Variants in DLGAP2 observed in about 807,000 individuals in gnomAD.
The protein encoded by DLGAP2 is disks large-associated protein 2.
A neutral mutation model predicts 100.3 loss-of-function variants in DLGAP2; 26 were observed. That is an observed-to-expected ratio of 0.26 (90% confidence interval 0.19 to 0.36). The LOEUF (loss-of-function observed/expected upper bound fraction) is 0.36. Among genes scored for constraint, DLGAP2 ranks in the 10% least tolerant of loss-of-function variants. The pLI is 1.00. For synonymous variants in DLGAP2, 886 were observed against 630.1 expected (o/e 1.41, Z -6.08); for missense variants, 1,858 against 1,453.2 (o/e 1.28, Z -4.53).
intron 3 of DLGAP2, among the ~76,000 whole-genome samples, chr8:1,427,580 T>C (rs1403775527): frequency 1.3e-5 from 2 of 152,166 alleles, no homozygotes; most frequent in African/African-American, 4.8e-5. Context: ...AATCCCCACA[T>C]GTCATGGAAA....
chr8:1,551,214 G>C (rs941609948), intron 5 of DLGAP2, among the ~76,000 whole-genome samples: 1 of 152,116 alleles, frequency 6.6e-6, no homozygotes, highest in African/African-American at 2.4e-5. Context: ...GTTTGCCGTC[G>C]GCAAACCCTA....
At chr8:767,170 G>A (rs1253387269) in intron 1 of DLGAP2, among the ~76,000 whole-genome samples, 1 of 152,036 alleles carries the variant, frequency 6.6e-6, no homozygotes, top group African/African-American at 2.4e-5. Flanking sequence ...CCACATCCAC[G>A]GCTCCGCTTC....
At chr8:1,466,358 C>T (rs913629954) in intron 3 of DLGAP2, among the ~76,000 whole-genome samples, 1 of 152,062 alleles carries the variant, frequency 6.6e-6, no homozygotes, top group African/African-American at 2.4e-5. Flanking sequence ...CCGTGGCTGC[C>T]GCAGGAGACA....
At chr8:1,002,771 A>G (rs1183219125) in intron 2 of DLGAP2, 4 of 152,336 alleles carry the variant, frequency 2.6e-5, no homozygotes. Context: ...ACAGGAAGAG[A>G]CTGCCTGGGG....
chr8:1,245,037 A>C (rs1798875017), intron 2 of DLGAP2, among the ~76,000 whole-genome samples: 1 of 152,220 alleles, frequency 6.6e-6, no homozygotes, highest in South Asian at 2.1e-4. Flanking sequence ...ATCAAAATAC[A>C]ATGAGACACC....
chr8:1,334,900 C>T (rs1045281816), intron 3 of DLGAP2, among the ~76,000 whole-genome samples: 17 of 152,240 alleles, frequency 1.1e-4, no homozygotes, highest in Non-Finnish European at 1.6e-4. Context: ...TTCTCCTCCC[C>T]GCCTTGGCCC....
intron 3 of DLGAP2, among the ~76,000 whole-genome samples, chr8:1,357,641 A>T (rs1462675829): frequency 6.6e-6 from 1 of 152,150 alleles, no homozygotes; most frequent in Non-Finnish European, 1.5e-5. Flanking sequence ...CAAAATAAAG[A>T]TTTTTTAAAA....
At chr8:986,868 C>T (rs563371960) in intron 2 of DLGAP2, among the ~76,000 whole-genome samples, 1 of 152,112 alleles carries the variant, frequency 6.6e-6, no homozygotes, top group Non-Finnish European at 1.5e-5. Flanking sequence ...CCATGTTGGC[C>T]AGGCTGGTCT....
At chr8:964,341 A>G (rs556656986) in intron 2 of DLGAP2, among the ~76,000 whole-genome samples, 71 of 152,342 alleles carry the variant, frequency 4.7e-4, no homozygotes, top group African/African-American at 1.6e-3. Context: ...GTGGCGCTGT[A>G]CTGTCGTGGA....
At chr8:1,024,780 C>G (rs927493604) in intron 2 of DLGAP2, among the ~76,000 whole-genome samples, 1 of 152,194 alleles carries the variant, frequency 6.6e-6, no homozygotes, top group Non-Finnish European at 1.5e-5. Context: ...TCTTATGGAG[C>G]CTCCTGTGGG....
chr8:1,488,429 A>G (rs1799285568), intron 3 of DLGAP2, among the ~76,000 whole-genome samples: 1 of 152,188 alleles, frequency 6.6e-6, no homozygotes, highest in African/African-American at 2.4e-5. Flanking sequence ...GAGAAAGAGA[A>G]TTGGGAATGG....
At chr8:863,212 G>C (rs1285670241) in intron 1 of DLGAP2, among the ~76,000 whole-genome samples, 1 of 152,220 alleles carries the variant, frequency 6.6e-6, no homozygotes, top group African/African-American at 2.4e-5. Context: ...GGCAGTGGCA[G>C]GATTGGACTG....
At chr8:748,859 T>C (rs182441089) in intron 1 of DLGAP2, among the ~76,000 whole-genome samples, 2 of 152,374 alleles carry the variant, frequency 1.3e-5, no homozygotes, top group Admixed American at 6.5e-5. Context: ...AGACCTTTCG[T>C]TGGCTGCCAG....
rs181907974 is a variant in DLGAP2, at chr8:1,526,058, A to G, written c.173-22568A>G. On this transcript the variant is annotated intron_variant, in intron 4 of 14. Coordinates refer to ENST00000637795, the MANE Select transcript of DLGAP2 (RefSeq NM_001346810.2). Reference sequence around the variant, plus strand: ...TGAACTCCAAAGCGCTCCAGTGAGCATTTCCTCTGAGCGTCACCGTGGCAG... The same window carrying G: ...TGAACTCCAAAGCGCTCCAGTGAGCGTTTCCTCTGAGCGTCACCGTGGCAG... Among the ~76,000 whole-genome samples, 23 of 151,792 alleles carry G rather than the reference A, an allele frequency of 1.5e-4. No individual in the cohort carries two copies. The East Asian group carries it at 2.5e-3, about 17-fold the overall frequency.
chr8:1,545,284 C>A (rs988247188), intron 4 of DLGAP2, among the ~76,000 whole-genome samples: 1 of 152,134 alleles, frequency 6.6e-6, no homozygotes, highest in Non-Finnish European at 1.5e-5. Context: ...ACAAGCACGG[C>A]GTGCACCCTG....
chr8:1,245,692 A>T (rs1471028027), intron 2 of DLGAP2, among the ~76,000 whole-genome samples: 1 of 152,210 alleles, frequency 6.6e-6, no homozygotes, highest in Admixed American at 6.5e-5. Context: ...TATGCTATTG[A>T]GCTGTGCACT....
At chr8:870,726 C>T (rs1797581458) in intron 1 of DLGAP2, among the ~76,000 whole-genome samples, 1 of 152,198 alleles carries the variant, frequency 6.6e-6, no homozygotes, top group Non-Finnish European at 1.5e-5. Flanking sequence ...AGCACCCCAG[C>T]ACATTCCCTG....
intron 1 of DLGAP2, among the ~76,000 whole-genome samples, chr8:865,305 T>C (rs1034698134): frequency 6.6e-6 from 1 of 152,260 alleles, no homozygotes; most frequent in Non-Finnish European, 1.5e-5. Flanking sequence ...AGGAGAGTTA[T>C]TGCTACTAAA....
chr8:893,010 T>C (rs1417264489), intron 1 of DLGAP2: 4 of 150,810 alleles, frequency 2.7e-5, no homozygotes, highest in East Asian at 2.0e-4. Flanking sequence ...AGGATCAAGC[T>C]CTGGACTCAC....
Sources: gnomAD v4.1 joint callset for allele counts (sites outside exome capture counted in the v4.1 genomes callset) on GRCh38, gnomAD v4.1.1 for gene constraint, MANE v1.5 for transcripts, NCBI Gene and HGNC (gene_info 2026-07-23, HGNC 2026-07-21) for gene names.